The following DLG5 variants were observed in gnomAD, a reference collection of about 807,000 sequenced individuals.
DLG5 encodes discs large MAGUK scaffold protein 5, also known as disks large homolog 5.
In DLG5, 48 loss-of-function variants were observed where a neutral mutation model predicts 189.8. The observed-to-expected ratio is 0.25, with a 90% CI of 0.20 to 0.32. The LOEUF (loss-of-function observed/expected upper bound fraction) is 0.32. Among genes scored for constraint, DLG5 ranks in the 10% least tolerant of loss-of-function variants. DLG5 has a pLI of 1.00. For synonymous variants in DLG5, 1,016 were observed against 1,054.1 expected, an observed-to-expected ratio of 0.96 and a Z score of 0.70; for missense variants, 2,160 against 2,544.7, an observed-to-expected ratio of 0.85 and a Z score of 3.25.
At chr10:77,827,556 T>C (rs1842699448) in intron 13 of DLG5, among the ~76,000 whole-genome samples, 1 of 152,174 alleles carries the variant, frequency 6.6e-6, no homozygotes. Context: ...GTCAGAAGTA[T>C]TAAATTTGCA....
intron 14 of DLG5, among the ~76,000 whole-genome samples, chr10:77,823,741 G>C (rs1033939649): frequency 1.3e-5 from 2 of 152,120 alleles, no homozygotes; most frequent in Admixed American, 1.3e-4. Flanking sequence ...TGTTGGTCAA[G>C]GCTGGTCTCG....
intron 1 of DLG5, among the ~76,000 whole-genome samples, chr10:77,895,560 A>G (rs1019683372): frequency 6.6e-6 from 1 of 152,228 alleles, no homozygotes; most frequent in Non-Finnish European, 1.5e-5. Context: ...AAGTGAAGAA[A>G]TTCAGAACAC....
At chr10:77,835,675 C>A (rs570759473) in intron 8 of DLG5, 63 bp downstream of exon 8, 7 of 1,518,312 alleles carry the variant, frequency 4.6e-6, no homozygotes, top group Non-Finnish European at 6.2e-6. Context: ...TCCCAACAGA[C>A]CCTAGCAGGT....
chr10:77,875,499 G>A (rs940239476), intron 1 of DLG5, among the ~76,000 whole-genome samples: 3 of 139,274 alleles, frequency 2.2e-5, no homozygotes, highest in African/African-American at 7.4e-5. Flanking sequence ...TTCCACCCAA[G>A]TGGGAAGAAA....
At chr10:77,793,287 CACAG>C (rs1325222170) in intron 31 of DLG5, 1 of 152,338 alleles carries the variant, frequency 6.6e-6, no homozygotes, top group African/African-American at 2.4e-5. Flanking sequence ...CACACACACA[CACAG>C]AGGCATGCAC....
chr10:77,878,339 A>G (rs568822342), intron 1 of DLG5, among the ~76,000 whole-genome samples: 2 of 152,240 alleles, frequency 1.3e-5, no homozygotes, highest in East Asian at 1.9e-4. Flanking sequence ...TGATGAGAAC[A>G]GAATGAGCAA....
chr10:77,868,009 G>GCACCAAGGAT (rs1844754322), intron 2 of DLG5: 1 of 456,596 alleles, frequency 2.2e-6, no homozygotes, highest in Non-Finnish European at 4.4e-6. Context: ...AAACCAAGGA[G>GCACCAAGGAT]CACCAAGGAT....
chr10:77,908,898 G>A (rs1046817215), intron 1 of DLG5, among the ~76,000 whole-genome samples: 2 of 152,328 alleles, frequency 1.3e-5, no homozygotes, highest in East Asian at 1.9e-4. Context: ...TGGAAGGTGA[G>A]AAGGAGGAAG....
intron 23 of DLG5, 100 bp downstream of exon 23, chr10:77,810,993 AC>A: frequency 3.5e-6 from 5 of 1,446,040 alleles, no homozygotes; most frequent in Non-Finnish European, 4.6e-6. Flanking sequence ...GGCCTGCAGC[AC>A]ATGAGGCCAG....
intron 5 of DLG5, among the ~76,000 whole-genome samples, chr10:77,845,925 ATCTT>A (rs1225306313): frequency 1.4e-5 from 2 of 139,480 alleles, no homozygotes; most frequent in Admixed American, 7.6e-5. Flanking sequence ...TACATCTAAA[ATCTT>A]TCTTTAAAAA....
chr10:77,895,735 C>T (rs59082828), intron 1 of DLG5, among the ~76,000 whole-genome samples: 5,604 of 152,248 alleles, frequency 0.037, 252 homozygotes, highest in East Asian at 0.26. Context: ...GTAGGCTGGG[C>T]GCGGTGGCTC....
chr10:77,840,740 G>A (rs1265831328), intron 7 of DLG5, among the ~76,000 whole-genome samples: 2 of 152,026 alleles, frequency 1.3e-5, no homozygotes, highest in African/African-American at 2.4e-5. Context: ...AGAAAGAAAC[G>A]GAGGCCTAGA....
chr10:77,935,878 T>C, the DLG5 span, among the ~76,000 whole-genome samples: 2 of 152,046 alleles, frequency 1.3e-5, no homozygotes, highest in African/African-American at 4.8e-5. Flanking sequence ...ACATCCGAGA[T>C]GCAACATTTA....
chr10:77,791,258 G>A lies in DLG5; in HGVS notation c.*1182C>T, dbSNP rs748333112. ...CCCAACGACACTTACACAGAGCCCA[G>A]TACAGTACCTATTATTAACAGGACG... On this transcript the variant is annotated 3_prime_UTR_variant, in exon 32 of 32. Transcript: ENST00000372391. 3 of 151,952 alleles carry A rather than the reference G, an allele frequency of 2.0e-5. No individual in the cohort carries two copies. The highest frequency in any genetic ancestry group is 4.4e-5 in the Non-Finnish European group (3 of 67,974). 9.4% of individuals were successfully genotyped at this position (151,952 alleles called of 1,614,324 possible). A position where few individuals can be genotyped will look rare whatever the true frequency, so the allele number is the denominator to read the frequency against.
At chr10:77,933,087 TTGACTC>T in the DLG5 span, among the ~76,000 whole-genome samples, 11,706 of 152,096 alleles carry the variant, frequency 0.077, 839 homozygotes, top group African/African-American at 0.19. Context: ...CATTAACTCT[TTGACTC>T]TGAGCCCATT....
At chr10:77,904,574 G>A (rs974812768) in intron 1 of DLG5, among the ~76,000 whole-genome samples, 3 of 151,976 alleles carry the variant, frequency 2.0e-5, no homozygotes, top group Admixed American at 6.6e-5. Flanking sequence ...CATAAGGGCC[G>A]GTCTTTCCCA....
intron 31 of DLG5, chr10:77,792,822 G>A (rs1840703623): frequency 2.2e-6 from 1 of 449,128 alleles, no homozygotes; most frequent in Non-Finnish European, 4.0e-6. Context: ...GCATCAGAAG[G>A]AAGTTTGGAG....
the DLG5 span, among the ~76,000 whole-genome samples, chr10:77,935,265 A>G: frequency 3.3e-5 from 5 of 151,986 alleles, no homozygotes; most frequent in Non-Finnish European, 5.9e-5. Context: ...AGAGACATCG[A>G]CTTGTTCATT....
chr10:77,841,735 T>C, intron 7 of DLG5, 146 bp downstream of exon 7: 1 of 875,146 alleles, frequency 1.1e-6, no homozygotes, highest in Non-Finnish European at 1.7e-6. Context: ...CAGTGTCTGA[T>C]AACCCAGCTT....
Sources: gnomAD v4.1 joint callset for allele counts (sites outside exome capture counted in the v4.1 genomes callset) on GRCh38, gnomAD v4.1.1 for gene constraint, MANE v1.5 for transcripts, NCBI Gene and HGNC (gene_info 2026-07-23, HGNC 2026-07-21) for gene names.